Variants in TUB observed in about 807,000 individuals in gnomAD.
TUB encodes the protein tubby protein homolog.
In TUB, 33 loss-of-function variants were observed where a neutral mutation model predicts 59.7. That is an observed-to-expected ratio of 0.55 (90% CI 0.42 to 0.74). The LOEUF is 0.74. TUB is among the 30% of genes least tolerant of loss of function. The pLI, the probability that TUB is intolerant of heterozygous loss-of-function variation, is 0.00. For missense variants in TUB, 659 were observed against 672.0 expected, an observed-to-expected ratio of 0.98 and a Z score of 0.21; for synonymous variants, 293 against 256.4, an observed-to-expected ratio of 1.14 and a Z score of -1.36.
chr11:8,049,456 C>T (rs962894216), intron 2 of TUB, among the ~76,000 whole-genome samples: 1 of 151,970 alleles, frequency 6.6e-6, no homozygotes, highest in South Asian at 2.1e-4. Context: ...AACCACTGGC[C>T]GAGGCCCAGC....
At chr11:8,083,827 CT>C (rs911489667) in intron 1 of TUB, among the ~76,000 whole-genome samples, 1 of 152,216 alleles carries the variant, frequency 6.6e-6, no homozygotes, top group African/African-American at 2.4e-5. Context: ...AGGATCCCCC[CT>C]GCCCTGCTGG....
chr11:8,085,110 G>A (rs1436675253), intron 1 of TUB, among the ~76,000 whole-genome samples: 2 of 152,160 alleles, frequency 1.3e-5, no homozygotes, highest in African/African-American at 4.8e-5. Context: ...TTCGGCCTCC[G>A]AGGTGCCCTG....
intron 2 of TUB, among the ~76,000 whole-genome samples, chr11:8,075,341 C>A (rs1432856985): frequency 6.6e-6 from 1 of 152,226 alleles, no homozygotes; most frequent in Non-Finnish European, 1.5e-5. Context: ...CTCTACAATG[C>A]TCATCTGCCT....
In TUB at chr11:8,100,883, C is replaced by T; in HGVS notation, c.1273C>T (p.Leu425=). Residue 425 remains leucine (L), a synonymous_variant, in exon 11 of 12, where the codon CTG becomes TTG. Coordinates refer to ENST00000299506, the MANE Select transcript of TUB (RefSeq NM_177972.3). ...TAAGAACACGGAGAGTATCATCGAG[C>T]TGCAAAACAAGACACCTGTCTGGAA... ...QNKNTESIIE[L]QNKTPVWNDD... 1 of 1,614,176 alleles carries T rather than the reference C, an allele frequency of 6.2e-7. No homozygotes were observed. The highest frequency in any genetic ancestry group is 8.5e-7 in the Non-Finnish European group (1 of 1,180,020).
In TUB at chr11:8,095,589, G is replaced by A. The variant is rs1185801235; in HGVS notation, c.489G>A (p.Gln163=). 4 of 1,613,052 alleles carry A rather than the reference G, an allele frequency of 2.5e-6. No individual in the cohort carries two copies. Among genetic ancestry groups the A allele is most frequent in the Non-Finnish European group, 3.4e-6 (4 of 1,179,882 alleles). ...ILTVGQSDHA[Q]DAGETAAGGG... is the part of the protein sequence containing the mutation. Reference sequence around the variant, plus strand: ...CTGTGGGCCAGTCAGACCACGCCCAGGACGCAGGGGAGACGGCAGCTGGTG... The same window carrying A: ...CTGTGGGCCAGTCAGACCACGCCCAAGACGCAGGGGAGACGGCAGCTGGTG... Residue 163 remains glutamine, a synonymous_variant, in exon 5 of 12, where the codon CAG becomes CAA. Coordinates refer to ENST00000299506, the MANE Select transcript of TUB (RefSeq NM_177972.3).
chr11:8,100,733 A>G, intron 10 of TUB, 93 bp from the exon 11 acceptor site: 3 of 1,572,762 alleles, frequency 1.9e-6, no homozygotes, highest in South Asian at 1.1e-5. Context: ...GTCTAGGGAA[A>G]TCCAAGGACC....
At chr11:8,099,217 A>G (rs937607172) in intron 9 of TUB, among the ~76,000 whole-genome samples, 3 of 152,112 alleles carry the variant, frequency 2.0e-5, no homozygotes, top group Admixed American at 6.5e-5. Context: ...CAGGTTCTAC[A>G]TGGATTACAC....
chr11:8,084,056 G>A (rs1943621726), intron 1 of TUB, among the ~76,000 whole-genome samples: 1 of 152,198 alleles, frequency 6.6e-6, no homozygotes, highest in African/African-American at 2.4e-5. Context: ...GGGGCAGGGG[G>A]TGGCATGCAC....
At chr11:8,022,316 A>AT (rs1463963969) in intron 1 of TUB, among the ~76,000 whole-genome samples, 8 of 152,362 alleles carry the variant, frequency 5.3e-5, no homozygotes, top group Non-Finnish European at 1.0e-4. Context: ...GGTACATAGC[A>AT]TTAAAAGTGA....
chr11:8,046,208 T>C (rs941090535), intron 2 of TUB, among the ~76,000 whole-genome samples: 9 of 152,228 alleles, frequency 5.9e-5, no homozygotes, highest in African/African-American at 2.2e-4. Context: ...TTGTTCTCTT[T>C]CCTCAGGATC....
At chr11:8,101,448 C>G in intron 11 of TUB, 38 bp from the exon 12 acceptor site, 1 of 1,606,652 alleles carries the variant, frequency 6.2e-7, no homozygotes, top group Non-Finnish European at 8.5e-7. Context: ...CATTCCTGTC[C>G]TGTCCTTTTC....
chr11:8,105,149 C>T lies in TUB; in HGVS notation c.*3530C>T, dbSNP rs553588399. 6.6e-6 allele frequency: 1 copy of T among 152,324 alleles called. No homozygotes were observed. The highest frequency in any genetic ancestry group is 2.1e-4 in the South Asian group (1 of 4,832). 9.4% of individuals were successfully genotyped at this position (152,324 alleles called of 1,614,324 possible). A position where few individuals can be genotyped will look rare whatever the true frequency, so the allele number is the denominator to read the frequency against. On this transcript the variant is annotated 3_prime_UTR_variant, in exon 12 of 12. Coordinates refer to ENST00000299506, the MANE Select transcript of TUB (RefSeq NM_177972.3). ...GCACAAATTTCATCTCCTAGATGGA[C>T]TTCCTGGTTTTCTCTTACTGCAGTA...
exon 1 of TUB, chr11:8,038,842 A>G: frequency 6.2e-7 from 1 of 1,609,184 alleles, no homozygotes; most frequent in Non-Finnish European, 8.5e-7. Context: ...AAGTGGGACC[A>G]TCCCTTAAAC....
intron 2 of TUB, among the ~76,000 whole-genome samples, chr11:8,044,018 T>A (rs1942792006): frequency 6.6e-6 from 1 of 152,178 alleles, no homozygotes; most frequent in Admixed American, 6.5e-5. Flanking sequence ...ATTTTTCTCT[T>A]TATCGTTGGC....
Position 8,101,855 on chromosome 11 carries a change from T to TGATTTG in TUB, c.*237_*238insATTTGG. Reference sequence around the variant, plus strand: ...GAAGGGATGAGAATAATTCTTTCCATGCCACGAGATCAACACACACTCCCA... The same window carrying TGATTTG: ...GAAGGGATGAGAATAATTCTTTCCATGATTTGGCCACGAGATCAACACACACTCCCA... On this transcript the variant is annotated 3_prime_UTR_variant, in exon 12 of 12. Transcript: ENST00000299506. The TGATTTG allele has an allele frequency of 2.1e-6, 1 of 475,826 alleles. No individual in the cohort carries two copies. Among genetic ancestry groups the TGATTTG allele is most frequent in the South Asian group, 3.6e-5 (1 of 28,098 alleles). The allele number at this position is 475,826 out of a possible 1,614,324, so 29.5% of individuals were successfully genotyped here. A position where few individuals can be genotyped will look rare whatever the true frequency, so the allele number is the denominator to read the frequency against.
At chr11:8,037,499 T>C (rs903056197), upstream of TUB, among the ~76,000 whole-genome samples, 1 of 152,180 alleles carries the variant, frequency 6.6e-6, no homozygotes, top group South Asian at 2.1e-4. Flanking sequence ...TGGGGTGGGG[T>C]CAGCAATGTC....
intron 3 of TUB, among the ~76,000 whole-genome samples, chr11:8,093,048 T>C (rs758357797): frequency 6.6e-6 from 1 of 152,118 alleles, no homozygotes; most frequent in South Asian, 2.1e-4. Flanking sequence ...ATGGGTGTGG[T>C]CCCTGCTTTC....
intron 1 of TUB, among the ~76,000 whole-genome samples, chr11:8,086,089 C>G (rs1943660497): frequency 6.6e-6 from 1 of 152,186 alleles, no homozygotes; most frequent in Admixed American, 6.5e-5. Flanking sequence ...GCAGGAGGTG[C>G]CCGTGATGTA....
intron 2 of TUB, among the ~76,000 whole-genome samples, chr11:8,064,876 G>A (rs1476062279): frequency 1.3e-5 from 2 of 152,224 alleles, no homozygotes; most frequent in African/African-American, 2.4e-5. Context: ...TTAAATCGTG[G>A]TATCAAAGGA....
Sources: gnomAD v4.1 joint callset for allele counts (sites outside exome capture counted in the v4.1 genomes callset) on GRCh38, gnomAD v4.1.1 for gene constraint, MANE v1.5 for transcripts, NCBI Gene and HGNC (gene_info 2026-07-23, HGNC 2026-07-21) for gene names.